ARHGEF10L: variants seen among roughly 807,000 people sequenced by gnomAD.
ARHGEF10L encodes Rho guanine nucleotide exchange factor 10 like.
ARHGEF10L carries 69 observed loss-of-function variants against 141.2 expected under a neutral mutation model. That is an observed-to-expected ratio of 0.49 (90% CI 0.40 to 0.60). The LOEUF (loss-of-function observed/expected upper bound fraction) is 0.60. Among genes scored for constraint, ARHGEF10L ranks in the 20% least tolerant of loss-of-function variants. ARHGEF10L has a pLI of 0.00. For synonymous variants in ARHGEF10L, 711 were observed against 718.5 expected, an observed-to-expected ratio of 0.99 and a Z score of 0.17; for missense variants, 1,482 against 1,734.3, an observed-to-expected ratio of 0.85 and a Z score of 2.58.
the ARHGEF10L span, among the ~76,000 whole-genome samples, chr1:17,521,607 C>T: frequency 2.0e-5 from 3 of 152,190 alleles, no homozygotes; most frequent in South Asian, 2.1e-4. Context: ...CTTTCATTCC[C>T]GACACCCCAA....
At chr1:17,681,943 C>T (rs2064155470) in intron 26 of ARHGEF10L, among the ~76,000 whole-genome samples, 1 of 152,102 alleles carries the variant, frequency 6.6e-6, no homozygotes, top group African/African-American at 2.4e-5. Context: ...ATTCACCTGA[C>T]CCCACTCCAC....
chr1:17,659,115 G>T (rs2062452464), intron 25 of ARHGEF10L, among the ~76,000 whole-genome samples: 1 of 152,186 alleles, frequency 6.6e-6, no homozygotes, highest in African/African-American at 2.4e-5. Context: ...TGTTAGAGGT[G>T]GCCAAGCACT....
chr1:17,650,692 C>T (rs929696742), intron 22 of ARHGEF10L, among the ~76,000 whole-genome samples: 11 of 149,592 alleles, frequency 7.4e-5, no homozygotes, highest in African/African-American at 2.5e-4. Context: ...GAAATCATGC[C>T]ACTGCATTCC....
rs776483623 is a variant in ARHGEF10L at position 17,697,599 on chromosome 1, G to A, written c.*219G>A. The A allele has an allele frequency of 1.5e-5, 10 of 689,228 alleles. No individual in the cohort carries two copies. The highest frequency in any genetic ancestry group is 2.8e-5 in the East Asian group (1 of 35,660). The allele number at this position is 689,228 out of a possible 1,614,324, so 42.7% of individuals were successfully genotyped here. A position where few individuals can be genotyped will look rare whatever the true frequency, so the allele number is the denominator to read the frequency against. ...GGGGAGAGGGAGGACACATCTGGAG[G>A]AAATGGCCTTCTTTTTAAAAGCAAA... On this transcript the variant is annotated 3_prime_UTR_variant, in exon 29 of 29. Transcript: ENST00000361221. The surrounding 1 kb of genome is among the most constrained non-coding windows in gnomAD (Gnocchi z 4.8).
chr1:17,631,353 T>A (rs1571089613), intron 15 of ARHGEF10L, among the ~76,000 whole-genome samples: 1 of 151,420 alleles, frequency 6.6e-6, no homozygotes, highest in Admixed American at 6.6e-5. Context: ...GCAGGGGGGG[T>A]CTTGACATCC....
chr1:17,643,482 T>G (rs559990995), intron 21 of ARHGEF10L, among the ~76,000 whole-genome samples: 1 of 152,242 alleles, frequency 6.6e-6, no homozygotes, highest in African/African-American at 2.4e-5. Context: ...GTTTTCCTAT[T>G]TGTGAGTTGG....
chr1:17,526,663 G>A, the ARHGEF10L span, among the ~76,000 whole-genome samples: 1 of 152,176 alleles, frequency 6.6e-6, no homozygotes, highest in Non-Finnish European at 1.5e-5. Context: ...CAGCACTTGG[G>A]GAGGCCGAGG....
Position 17,623,617 on chromosome 1 carries a change from G to C in ARHGEF10L, c.1200+442G>C, listed in dbSNP as rs889774157. 6.6e-6 allele frequency among the ~76,000 whole-genome samples: 1 copy of C among 152,172 alleles called. No individual in the cohort carries two copies. Among genetic ancestry groups the C allele is most frequent in the African/African-American group, 2.4e-5 (1 of 41,468 alleles). ...CTCACGATCCGGGGGACCTGGTTCT[G>C]GTCCCAGCTCAGTTCTGCAACCTAG... On this transcript the variant is annotated intron_variant, in intron 12 of 28. Transcript: ENST00000361221. The surrounding 1 kb of genome is among the most constrained non-coding windows in gnomAD (Gnocchi z 4.7).
At chr1:17,599,993 C>G (rs1295483396) in intron 4 of ARHGEF10L, among the ~76,000 whole-genome samples, 1 of 152,244 alleles carries the variant, frequency 6.6e-6, no homozygotes, top group African/African-American at 2.4e-5. Context: ...CAGGAGCATT[C>G]TCGCCACCAC....
At chr1:17,521,622 G>T in the ARHGEF10L span, among the ~76,000 whole-genome samples, 1 of 152,238 alleles carries the variant, frequency 6.6e-6, no homozygotes, top group African/African-American at 2.4e-5. Flanking sequence ...CCCCAATGAG[G>T]TGTTGTTGTT....
the ARHGEF10L span, among the ~76,000 whole-genome samples, chr1:17,513,587 G>T: frequency 3.3e-5 from 5 of 152,278 alleles, no homozygotes; most frequent in East Asian, 9.6e-4. Context: ...GTTGGGGAGG[G>T]TAGAGAAAGG....
rs941063054 is a variant in ARHGEF10L at position 17,624,017 on chromosome 1, A to G, written c.1201-370A>G. 2.0e-5 allele frequency among the ~76,000 whole-genome samples: 3 copies of G among 152,160 alleles called. No homozygotes were observed. The South Asian group carries it at 6.2e-4, about 32-fold the overall frequency. On this transcript the variant is annotated intron_variant, in intron 12 of 28. Coordinates refer to ENST00000361221, the MANE Select transcript of ARHGEF10L (RefSeq NM_018125.4). ...TCCTTAAAGGTGGAGGGCAAGGGGC[A>G]TTCGATTTCCTGAACGTGAATGCAG...
At chr1:17,602,930 C>A (rs1448118300) in intron 5 of ARHGEF10L, among the ~76,000 whole-genome samples, 1 of 151,856 alleles carries the variant, frequency 6.6e-6, no homozygotes, top group Non-Finnish European at 1.5e-5. Flanking sequence ...AGGGTGGGAA[C>A]TAGGGGTCTA....
At chr1:17,612,475 C>T (rs571636289) in intron 7 of ARHGEF10L, among the ~76,000 whole-genome samples, 1 of 152,284 alleles carries the variant, frequency 6.6e-6, no homozygotes, top group East Asian at 1.9e-4. Context: ...TTTATTTATT[C>T]ATCCATCCAT....
chr1:17,695,503 A>G (rs1231083821), intron 28 of ARHGEF10L, among the ~76,000 whole-genome samples: 1 of 152,242 alleles, frequency 6.6e-6, no homozygotes, highest in Non-Finnish European at 1.5e-5. Context: ...GCAGATGGAC[A>G]CAAGAGTGGC....
rs2077404740 is a variant in ARHGEF10L, at chr1:17,558,039, T to C, written c.-44+18089T>C. Among the ~76,000 whole-genome samples, 1 of 149,232 alleles carries C rather than the reference T, an allele frequency of 6.7e-6. No homozygotes were observed. On this transcript the variant is annotated intron_variant, in intron 1 of 28. Coordinates refer to ENST00000361221, the MANE Select transcript of ARHGEF10L (RefSeq NM_018125.4). The surrounding 1 kb of genome is among the most constrained non-coding windows in gnomAD (Gnocchi z 4.2). The stretch of plus-strand genomic sequence containing the variant: ...CCACCCACTCGCCCATTCATTCATC[T>C]CTCCATTCATTTACCCACCCACCCG...
chr1:17,546,328 G>T (rs1205656727), intron 1 of ARHGEF10L, among the ~76,000 whole-genome samples: 3 of 152,196 alleles, frequency 2.0e-5, no homozygotes, highest in African/African-American at 4.8e-5. Context: ...TACCAGAAAA[G>T]CTGCTTCTGT....
chr1:17,688,815 G>C (rs560426363), intron 27 of ARHGEF10L, among the ~76,000 whole-genome samples: 49 of 152,074 alleles, frequency 3.2e-4, no homozygotes, highest in Admixed American at 1.9e-3. Flanking sequence ...CCAGGGGCCC[G>C]GTCCCTAACT....
rs1362996026 is a variant in ARHGEF10L, at chr1:17,639,400, G to T, written c.2171+711G>T. On this transcript the variant is annotated intron_variant, in intron 20 of 28. Coordinates refer to ENST00000361221, the MANE Select transcript of ARHGEF10L (RefSeq NM_018125.4). The surrounding 1 kb of genome is among the most constrained non-coding windows in gnomAD (Gnocchi z 4.3). ...AGGGTGGGGTGAAGGTGGGGATAGA[G>T]TGTCACAAGCACAGTGGCTGCAAGG... 2.0e-5 allele frequency among the ~76,000 whole-genome samples: 3 copies of T among 152,224 alleles called. No individual in the cohort carries two copies. The highest frequency in any genetic ancestry group is 7.2e-5 in the African/African-American group (3 of 41,464).
Sources: gnomAD v4.1 joint callset for allele counts (sites outside exome capture counted in the v4.1 genomes callset) on GRCh38, gnomAD v4.1.1 for gene constraint, Gnocchi (gnomAD v3.1) non-coding constraint, MANE v1.5 for transcripts, NCBI Gene and HGNC (gene_info 2026-07-23, HGNC 2026-07-21) for gene names.